Variants in TBX3 observed in about 807,000 individuals in gnomAD.
TBX3 encodes T-box transcription factor TBX3.
TBX3 carries 11 observed loss-of-function variants against 47.8 expected under a neutral mutation model. That is an observed-to-expected ratio of 0.23 (90% CI 0.14 to 0.38). The LOEUF is 0.38. TBX3 is among the 10% of genes least tolerant of loss of function. The probability of loss-of-function intolerance (pLI) is 1.00; values close to 1 mark genes in which losing one functional copy is unlikely to be tolerated. For synonymous variants in TBX3, 500 were observed against 449.3 expected (o/e 1.11, Z -1.43); for missense variants, 927 against 1,022.8 (o/e 0.91, Z 1.28).
chr12:114,672,428 GTTGT>G (rs1451144845), intron 6 of TBX3, 126 bp from the exon 7 acceptor site: 1 of 645,012 alleles, frequency 1.6e-6, no homozygotes, highest in African/African-American at 2.7e-5. Flanking sequence ...TGTTGTTGTT[GTTGT>G]TGTGTTTTTT....
In TBX3 at chr12:114,671,876, C is replaced by A; in HGVS notation, c.2137G>T (p.Ala713Ser). ...GCGCTGCGGGACCTGTCCGGCTTGG[C>A]TTCCAAGCCGCTAACCAACCGCTGG... ...SIQRLVSGLE[A>S]KPDRSRSASP The change falls in exon 7 of 7, where the codon GCC (alanine) becomes TCC (serine). Residue 713 changes from alanine (A) to serine (S), a missense_variant. By Grantham distance (99) the Ala-to-Ser change is moderately conservative. Around this residue, in one of 5 missense-constraint regions of TBX3, gnomAD observed 623 missense variants for 569.0 expected, o/e 1.09. Transcript: ENST00000349155. The A allele has an allele frequency of 6.4e-7, 1 of 1,562,192 alleles. No homozygotes were observed. The highest frequency in any genetic ancestry group is 8.7e-7 in the Non-Finnish European group (1 of 1,154,192).
At position 114,682,978 on chromosome 12, in the gene TBX3, C is replaced by T. The variant is rs895278286; in HGVS notation, c.223G>A (p.Gly75Ser). 6.2e-7 allele frequency: 1 copy of T among 1,613,978 alleles called. No individual in the cohort carries two copies. Among genetic ancestry groups the T allele is most frequent in the African/African-American group, 1.3e-5 (1 of 74,928 alleles). Residue 75 changes from glycine to serine, a missense_variant, in exon 1 of 7, where the codon GGC becomes AGC. Physicochemically the swap from Gly to Ser is moderately conservative, Grantham distance 56. Around this residue, in one of 5 missense-constraint regions of TBX3, gnomAD observed 216 missense variants for 281.2 expected, o/e 0.77. Transcript: ENST00000349155. ...MDQLVGAAET[G>S]IPFSSLGPQA... ...GGCCCCAGGGAGGAGAACGGGATGCCGGTCTCGGCCGCCCCCACCAATTGA... is the reference window on the plus strand; with the variant it reads ...GGCCCCAGGGAGGAGAACGGGATGCTGGTCTCGGCCGCCCCCACCAATTGA...
At position 114,672,277 on chromosome 12, in the gene TBX3, C is replaced by G; in HGVS notation, c.1736G>C (p.Ser579Thr). ...GTACGTGTAGGGGTAAGGGAACAGGCTTCCGAAAGGGGACATGGCCAGGCC... is the reference window on the plus strand; with the variant it reads ...GTACGTGTAGGGGTAAGGGAACAGGGTTCCGAAAGGGGACATGGCCAGGCC... The part of the protein sequence containing the change: ...SQGLAMSPFG[S>T]LFPYPYTYMA... The change falls in exon 7 of 7, where the codon AGC becomes ACC. Residue 579 changes from serine (S) to threonine (T), a missense_variant. Physicochemically the swap from Ser to Thr is moderately conservative, Grantham distance 58. This residue lies in a region of TBX3 where 623 missense variants were observed against 569.0 expected (regional missense o/e 1.09). Transcript: ENST00000349155. The G allele has an allele frequency of 6.4e-7, 1 of 1,571,664 alleles. No individual in the cohort carries two copies. The highest frequency in any genetic ancestry group is 1.7e-4 in the Middle Eastern group (1 of 5,968).
In TBX3 at chr12:114,679,783, G is replaced by GAGT. The variant is rs1477056675; in HGVS notation, c.658-135_658-133dup. 8 of 1,526,786 alleles carry GAGT rather than the reference G, an allele frequency of 5.2e-6. No homozygotes were observed. The African/African-American group carries it at 1.1e-4, about 21-fold the overall frequency. The allele number at this position is 1,526,786 out of a possible 1,614,324, so 94.6% of individuals were successfully genotyped here. On this transcript the variant is annotated intron_variant, in intron 2 of 6. Coordinates refer to ENST00000349155, the MANE Select transcript of TBX3 (RefSeq NM_005996.4). ...CGCTTGTACCGAGCCCACCTCCTTG[G>GAGT]AGTACCCCCTGGGTACGTTTCGCTC...
At chr12:114,673,547 GGGAGGAAA>G (rs1868552414) in intron 6 of TBX3, among the ~76,000 whole-genome samples, 1 of 152,136 alleles carries the variant, frequency 6.6e-6, no homozygotes. Context: ...GCTTCGAACT[GGGAGGAAA>G]GGCTGGAGGA....
chr12:114,684,069 G>GGGGA lies in TBX3; in HGVS notation c.-873_-870dup, dbSNP rs1376490160. The GGGGA allele has an allele frequency of 7.4e-6, 1 of 134,852 alleles. No homozygotes were observed. Among genetic ancestry groups the GGGGA allele is most frequent in the East Asian group, 7.7e-5 (1 of 13,048 alleles). The allele number at this position is 134,852 out of a possible 1,614,324, so 8.4% of individuals were successfully genotyped here. A position where few individuals can be genotyped will look rare whatever the true frequency, so the allele number is the denominator to read the frequency against. Reference sequence around the variant, plus strand: ...AATGGAACAGAGGGAAAGAGAGGGAGGGGAGAGAGAGAGAGAGAGAGAGAG... The same window carrying GGGGA: ...AATGGAACAGAGGGAAAGAGAGGGAGGGGAGGGAGAGAGAGAGAGAGAGAGAGAG... On this transcript the variant is annotated 5_prime_UTR_variant, in exon 1 of 7. Coordinates refer to ENST00000349155, the MANE Select transcript of TBX3 (RefSeq NM_005996.4).
Position 114,682,817 on chromosome 12 carries a change from C to G in TBX3, c.384G>C (p.Ser128=), listed in dbSNP as rs1868996849. ...KRGTEMVITK[S]GRRMFPPFKV... is the part of the protein sequence containing the mutation. ...AGGAGGCCCCCACTGCTTACCTTCC[C>G]GACTTGGTAATGACCATCTCGGTGC... The change falls in exon 1 of 7, where the codon TCG becomes TCC. Residue 128 remains serine, a synonymous_variant. Transcript: ENST00000349155. The G allele has an allele frequency of 1.2e-6, 2 of 1,614,050 alleles. No individual in the cohort carries two copies. Among genetic ancestry groups the G allele is most frequent in the African/African-American group, 1.3e-5 (1 of 74,924 alleles).
In TBX3 at chr12:114,683,368, T is replaced by C. The variant is rs1349820141; in HGVS notation, c.-168A>G. On this transcript the variant is annotated 5_prime_UTR_variant, in exon 1 of 7. Transcript: ENST00000349155. The surrounding 1 kb of genome is among the most constrained non-coding windows in gnomAD (Gnocchi z 7.7). ...GAGGCAGAAATCACAACTAATGCACTTCAAAGGGAGGAGGGGAAGTGTCTT... is the reference window on the plus strand; with the variant it reads ...GAGGCAGAAATCACAACTAATGCACCTCAAAGGGAGGAGGGGAAGTGTCTT... 1.1e-6 allele frequency: 1 copy of C among 884,904 alleles called. No individual in the cohort carries two copies. The highest frequency in any genetic ancestry group is 1.7e-5 in the African/African-American group (1 of 59,040). 54.8% of individuals were successfully genotyped at this position (884,904 alleles called of 1,614,324 possible).
intron 4 of TBX3, among the ~76,000 whole-genome samples, chr12:114,677,082 G>A (rs1348833903): frequency 6.6e-6 from 1 of 152,008 alleles, no homozygotes; most frequent in East Asian, 1.9e-4. Flanking sequence ...TTCTTTGAAA[G>A]GGGGTGGGGG....
At chr12:114,681,828 G>A (rs1194613768) in intron 1 of TBX3, among the ~76,000 whole-genome samples, 2 of 152,204 alleles carry the variant, frequency 1.3e-5, no homozygotes, top group Non-Finnish European at 1.5e-5. Context: ...TAATTTCACA[G>A]AAGGGTTGGC....
Position 114,671,968 on chromosome 12 carries a change from C to CTGGAGGAGAGCG in TBX3, c.2033_2044dup (p.Thr678_Ser681dup), listed in dbSNP as rs774190101. On this transcript the variant is annotated inframe_insertion, in exon 7 of 7. Coordinates refer to ENST00000349155, the MANE Select transcript of TBX3 (RefSeq NM_005996.4). ...GAGTTTGGGCGACAAGGACATGGAG[C>CTGGAGGAGAGCG]TGGAGGAGAGCGTGGAGGAGCGGCT... 117 of 1,600,970 alleles carry CTGGAGGAGAGCG rather than the reference C, an allele frequency of 7.3e-5. No individual in the cohort carries two copies. Among genetic ancestry groups the CTGGAGGAGAGCG allele is most frequent in the Non-Finnish European group, 9.6e-5 (113 of 1,173,890 alleles).
chr12:114,672,068 G>A lies in TBX3; in HGVS notation c.1945C>T (p.Pro649Ser). 2 of 1,567,710 alleles carry A rather than the reference G, an allele frequency of 1.3e-6. No individual in the cohort carries two copies. The highest frequency in any genetic ancestry group is 8.6e-7 in the Non-Finnish European group (1 of 1,157,098). ...AGGGCGGCGACTTTGCCGTCCAGGG[G>A]CCCCGCGGCCGCCGCCATGGAGGGC... ...ALPSMAAAAG[P>S]LDGKVAALAA... is the part of the protein sequence containing the mutation. The change falls in exon 7 of 7, where the codon CCC (proline) becomes TCC (serine). Residue 649 changes from proline to serine, a missense_variant. Pro to Ser is a moderately conservative substitution (Grantham distance 74). Coordinates refer to ENST00000349155, the MANE Select transcript of TBX3 (RefSeq NM_005996.4).
chr12:114,683,367 C>T lies in TBX3; in HGVS notation c.-167G>A. The stretch of plus-strand genomic sequence containing the variant: ...GGAGGCAGAAATCACAACTAATGCA[C>T]TTCAAAGGGAGGAGGGGAAGTGTCT... On this transcript the variant is annotated 5_prime_UTR_variant, in exon 1 of 7. In the 5' UTR this introduces an upstream ATG that the reference lacks. Coordinates refer to ENST00000349155, the MANE Select transcript of TBX3 (RefSeq NM_005996.4). This position sits in a 1 kb window ranked among gnomAD's most constrained non-coding sequence, Gnocchi z 7.7. 2.2e-6 allele frequency: 2 copies of T among 891,984 alleles called. No homozygotes were observed. The highest frequency in any genetic ancestry group is 3.3e-6 in the Non-Finnish European group (2 of 603,322). The allele number at this position is 891,984 out of a possible 1,614,324, so 55.3% of individuals were successfully genotyped here. A position where few individuals can be genotyped will look rare whatever the true frequency, so the allele number is the denominator to read the frequency against.
intron 5 of TBX3, 33 bp from the exon 6 acceptor site, chr12:114,674,868 AG>A: frequency 6.5e-7 from 1 of 1,547,704 alleles, no homozygotes; most frequent in Non-Finnish European, 8.7e-7. Flanking sequence ...CCAAGGCAGA[AG>A]GGCGTTATCT....
At chr12:114,672,434 G>A (rs1383786757) in intron 6 of TBX3, 132 bp from the exon 7 acceptor site, 13 of 501,998 alleles carry the variant, frequency 2.6e-5, no homozygotes, top group African/African-American at 3.7e-5. Flanking sequence ...TGTTGTTGTT[G>A]TGTTTTTTTT....
intron 5 of TBX3, among the ~76,000 whole-genome samples, chr12:114,675,494 G>A (rs1426549460): frequency 2.6e-5 from 4 of 152,080 alleles, no homozygotes; most frequent in African/African-American, 7.2e-5. Context: ...TTCTTTTTTC[G>A]CTTTTACCAC....
chr12:114,683,311 A>T lies in TBX3; in HGVS notation c.-111T>A. The T allele has an allele frequency of 7.0e-7, 1 of 1,427,640 alleles. No homozygotes were observed. Among genetic ancestry groups the T allele is most frequent in the Non-Finnish European group, 9.5e-7 (1 of 1,049,464 alleles). 88.4% of individuals were successfully genotyped at this position (1,427,640 alleles called of 1,614,324 possible). A position where few individuals can be genotyped will look rare whatever the true frequency, so the allele number is the denominator to read the frequency against. ...AGCACATAATTCAAAAGGGGGGAAA[A>T]AGCAAAACAAAAAAGAAAGAAAAAA... On this transcript the variant is annotated 5_prime_UTR_variant, in exon 1 of 7. Coordinates refer to ENST00000349155, the MANE Select transcript of TBX3 (RefSeq NM_005996.4). This position sits in a 1 kb window ranked among gnomAD's most constrained non-coding sequence, Gnocchi z 7.7.
In TBX3 at chr12:114,672,277, C is replaced by CT. The variant is rs1868481562; in HGVS notation, c.1735dup (p.Ser579LysfsTer93). The CT allele has an allele frequency of 6.4e-7, 1 of 1,571,544 alleles. No homozygotes were observed. On this transcript the variant is annotated frameshift_variant, in exon 7 of 7. Coordinates refer to ENST00000349155, the MANE Select transcript of TBX3 (RefSeq NM_005996.4). LOFTEE classifies it high-confidence loss of function. Reference sequence around the variant, plus strand: ...GTACGTGTAGGGGTAAGGGAACAGGCTTCCGAAAGGGGACATGGCCAGGCC... The same window carrying CT: ...GTACGTGTAGGGGTAAGGGAACAGGCTTTCCGAAAGGGGACATGGCCAGGCC...
At position 114,672,126 on chromosome 12, in the gene TBX3, G is replaced by GACCGGC; in HGVS notation, c.1881_1886dup (p.Val629_Pro630dup). ...TGGTGAGCAGACTGCTGCCGTCCGG[G>GACCGGC]ACCGGCACCGGGATGGAGTAGGGGC... On this transcript the variant is annotated inframe_insertion, in exon 7 of 7. Transcript: ENST00000349155. The GACCGGC allele has an allele frequency of 1.3e-6, 2 of 1,570,842 alleles. No individual in the cohort carries two copies. Among genetic ancestry groups the GACCGGC allele is most frequent in the East Asian group, 2.4e-5 (1 of 42,504 alleles).
Sources: gnomAD v4.1 joint callset for allele counts (sites outside exome capture counted in the v4.1 genomes callset) on GRCh38, gnomAD v4.1.1 for gene constraint, gnomAD v4.1.1 regional missense constraint, Gnocchi (gnomAD v3.1) non-coding constraint, MANE v1.5 for transcripts, NCBI Gene and HGNC (gene_info 2026-07-23, HGNC 2026-07-21) for gene names.